The following ZFP64 variants were observed in gnomAD, a reference collection of about 807,000 sequenced individuals.
ZFP64 encodes the protein ZFP64 zinc finger protein.
ZFP64 carries 14 observed loss-of-function variants against 51.6 expected under a neutral mutation model. The observed-to-expected ratio is 0.27, with a 90% confidence interval of 0.18 to 0.42. The LOEUF is 0.42. Ranked by LOEUF, ZFP64 falls within the 10% of genes least tolerant of loss-of-function variation. ZFP64 has a pLI of 1.00. For synonymous variants in ZFP64, 375 were observed against 361.4 expected (o/e 1.04, Z -0.43); for missense variants, 754 against 906.8 (o/e 0.83, Z 2.16).
chr20:52,103,691 T>C (rs1480854091), intron 5 of ZFP64, among the ~76,000 whole-genome samples: 1 of 152,006 alleles, frequency 6.6e-6, no homozygotes, highest in East Asian at 1.9e-4. Flanking sequence ...CCCCAGTACC[T>C]CCCCAACTTC....
intron 5 of ZFP64, among the ~76,000 whole-genome samples, chr20:52,123,125 G>A (rs1979276348): frequency 6.6e-6 from 1 of 152,074 alleles, no homozygotes; most frequent in Non-Finnish European, 1.5e-5. Flanking sequence ...CGAGTAGCTA[G>A]GATTACAGGC....
Position 52,084,917 on chromosome 20 carries a change from G to T in ZFP64, c.1578C>A (p.Asp526Glu), listed in dbSNP as rs556510842. The T allele has an allele frequency of 4.2e-5, 68 of 1,613,624 alleles. No individual in the cohort carries two copies. Among genetic ancestry groups the T allele is most frequent in the Non-Finnish European group, 5.6e-5 (66 of 1,180,024 alleles). The change falls in exon 9 of 9, where the codon GAC becomes GAA. Residue 526 changes from aspartate to glutamate, a missense_variant. Transcript: ENST00000361387. Reference sequence around the variant, plus strand: ...GCCGCTTCGTGTCGAAGCTGCAGAAGTCACACTTGAAGGGACGGTCCTTAC... The same window carrying T: ...GCCGCTTCGTGTCGAAGCTGCAGAATTCACACTTGAAGGGACGGTCCTTAC...
chr20:52,149,290 A>AAAG (rs1568677187), downstream of ZFP64, among the ~76,000 whole-genome samples: 3 of 148,936 alleles, frequency 2.0e-5, no homozygotes, highest in Admixed American at 6.7e-5. Flanking sequence ...AAAAAAAAAA[A>AAAG]AGCTGAATAT....
At chr20:52,084,811 C>G in exon 9 of ZFP64, 1 of 1,614,178 alleles carries the variant, frequency 6.2e-7, no homozygotes, top group Non-Finnish European at 8.5e-7. Context: ...TCTCTGAGCC[C>G]TTCCTTGCCC....
chr20:52,119,033 T>C (rs1382668486), intron 5 of ZFP64, among the ~76,000 whole-genome samples: 2 of 151,806 alleles, frequency 1.3e-5, no homozygotes, highest in African/African-American at 4.8e-5. Flanking sequence ...GTGGCAGCTA[T>C]CAAAAAAGGT....
chr20:52,114,276 T>A (rs1359801804), intron 5 of ZFP64, among the ~76,000 whole-genome samples: 1 of 152,230 alleles, frequency 6.6e-6, no homozygotes, highest in Non-Finnish European at 1.5e-5. Context: ...AGCTATTCCA[T>A]GCCTATGCTG....
chr20:52,098,674 C>T (rs1222073587), intron 5 of ZFP64: 1 of 1,521,936 alleles, frequency 6.6e-7, no homozygotes, highest in Non-Finnish European at 8.9e-7. Flanking sequence ...GCTTATTTCA[C>T]CTCCCTTCAC....
Position 52,178,354 on chromosome 20 carries a change from C to A in ZFP64, c.286+8478G>T, listed in dbSNP as rs1261541548. Among the ~76,000 whole-genome samples the A allele has an allele frequency of 3.3e-4, 50 of 152,282 alleles. 1 individual carries two copies. Among genetic ancestry groups the A allele is most frequent in the Non-Finnish European group, 2.9e-5 (2 of 68,026 alleles). ...CTGTCATCTGGACAAGTTATTTAAC[C>A]CCTCTGTGCCTCAGTTTCATTACTG... On this transcript the variant is annotated intron_variant, in intron 2 of 5. Coordinates refer to ENST00000216923, the MANE Select transcript of ZFP64 (RefSeq NM_018197.3).
At chr20:52,105,457 C>T in intron 5 of ZFP64, 2 of 946,952 alleles carry the variant, frequency 2.1e-6, no homozygotes, top group Non-Finnish European at 2.7e-6. Flanking sequence ...CCCGGGCAGC[C>T]CGCGCCACCT....
intron 5 of ZFP64, among the ~76,000 whole-genome samples, chr20:52,101,121 C>G (rs2079045463): frequency 6.6e-6 from 1 of 152,150 alleles, no homozygotes; most frequent in Non-Finnish European, 1.5e-5. Context: ...GCTAGACATC[C>G]TATAGGGCAT....
intron 2 of ZFP64, among the ~76,000 whole-genome samples, chr20:52,170,023 A>C (rs1201934060): frequency 6.6e-6 from 1 of 151,960 alleles, no homozygotes; most frequent in Non-Finnish European, 1.5e-5. Flanking sequence ...ATTGCACTCC[A>C]GCCTGGGCAA....
At chr20:52,156,802 C>T (rs1222043737) in intron 5 of ZFP64, among the ~76,000 whole-genome samples, 1 of 152,188 alleles carries the variant, frequency 6.6e-6, no homozygotes, top group African/African-American at 2.4e-5. Flanking sequence ...TTTGGTAAGA[C>T]TGTCACTCGT....
chr20:52,093,943 T>A (rs970395649), intron 7 of ZFP64, among the ~76,000 whole-genome samples: 1 of 152,206 alleles, frequency 6.6e-6, no homozygotes, highest in Non-Finnish European at 1.5e-5. Context: ...ACATTGATGA[T>A]TATATCACAA....
intron 7 of ZFP64, among the ~76,000 whole-genome samples, chr20:52,094,756 A>T (rs1342158852): frequency 6.6e-6 from 1 of 151,822 alleles, no homozygotes; most frequent in Non-Finnish European, 1.5e-5. Context: ...TAAATAAATA[A>T]ATAAATAATA....
At chr20:52,106,821 G>A (rs184183999) in intron 5 of ZFP64, among the ~76,000 whole-genome samples, 1 of 152,342 alleles carries the variant, frequency 6.6e-6, no homozygotes, top group East Asian at 1.9e-4. Flanking sequence ...ACGTGGCCGG[G>A]TGCGGTAGCT....
intron 5 of ZFP64, among the ~76,000 whole-genome samples, chr20:52,116,004 T>C (rs748994693): frequency 4.6e-5 from 7 of 151,382 alleles, no homozygotes; most frequent in Non-Finnish European, 7.4e-5. Flanking sequence ...CTGGCTAATA[T>C]TGTATTTTTA....
At chr20:52,120,434 C>T (rs893472316) in intron 5 of ZFP64, among the ~76,000 whole-genome samples, 3 of 152,056 alleles carry the variant, frequency 2.0e-5, no homozygotes, top group East Asian at 1.9e-4. Context: ...AAGAGGGCAT[C>T]GATAGATGGC....
intron 7 of ZFP64, chr20:52,089,118 A>T: frequency 4.2e-6 from 2 of 481,786 alleles, no homozygotes; most frequent in Non-Finnish European, 8.2e-6. Flanking sequence ...GATGCCAGGG[A>T]CAGCAGAAGA....
At position 52,105,173 on chromosome 20, in the gene ZFP64, C is replaced by T; in HGVS notation, c.764-6586G>A. The T allele has an allele frequency of 3.5e-6, 5 of 1,438,944 alleles. No individual in the cohort carries two copies. The Admixed American group carries it at 8.3e-5, about 24-fold the overall frequency. 89.1% of individuals were successfully genotyped at this position (1,438,944 alleles called of 1,614,324 possible). A position where few individuals can be genotyped will look rare whatever the true frequency, so the allele number is the denominator to read the frequency against. On this transcript the variant is annotated intron_variant, in intron 5 of 8. Coordinates refer to the ZFP64 transcript ENST00000361387. ...CTGCGGGGCCACCTCCGCACACTCCCGGCGCGCAGGCCGCGGCTCCTCGGA... is the reference window on the plus strand; with the variant it reads ...CTGCGGGGCCACCTCCGCACACTCCTGGCGCGCAGGCCGCGGCTCCTCGGA...
Sources: allele counts gnomAD v4.1 joint callset (sites outside exome capture counted in the v4.1 genomes callset), GRCh38; gene constraint gnomAD v4.1.1; transcripts MANE v1.5; gene names NCBI Gene and HGNC (gene_info 2026-07-23, HGNC 2026-07-21).